SH3PXD2A: variants seen among roughly 807,000 people sequenced by gnomAD.
SH3PXD2A encodes SH3 and PX domain-containing protein 2A.
A neutral mutation model predicts 115.2 loss-of-function variants in SH3PXD2A; 32 were observed. The ratio of observed to expected loss-of-function variants is 0.28; its 90% CI spans 0.21 to 0.37. The LOEUF (loss-of-function observed/expected upper bound fraction) is 0.37. SH3PXD2A is among the 10% of genes least tolerant of loss of function. SH3PXD2A has a pLI of 1.00. For missense variants in SH3PXD2A, 1,328 were observed against 1,498.7 expected, an observed-to-expected ratio of 0.89 and a Z score of 1.88; for synonymous variants, 610 against 629.1, an observed-to-expected ratio of 0.97 and a Z score of 0.45.
chr10:103,791,566 T>C (rs1163828460), intron 2 of SH3PXD2A, among the ~76,000 whole-genome samples: 1 of 152,110 alleles, frequency 6.6e-6, no homozygotes, highest in African/African-American at 2.4e-5. Context: ...GCGGTGATTC[T>C]CAGGGCCTGA....
intron 1 of SH3PXD2A, among the ~76,000 whole-genome samples, chr10:103,827,256 T>C (rs2039439494): frequency 6.6e-6 from 1 of 152,102 alleles, no homozygotes; most frequent in Non-Finnish European, 1.5e-5. Flanking sequence ...GCGGGGCTGG[T>C]GGAATTCCTG....
intron 1 of SH3PXD2A, among the ~76,000 whole-genome samples, chr10:103,832,530 TA>T (rs1250041028): frequency 6.6e-6 from 1 of 152,120 alleles, no homozygotes; most frequent in Non-Finnish European, 1.5e-5. Flanking sequence ...TAGACTGGAT[TA>T]AGAAGATGTG....
intron 1 of SH3PXD2A, among the ~76,000 whole-genome samples, chr10:103,806,939 G>A (rs767415064): frequency 5.3e-5 from 8 of 152,150 alleles, no homozygotes; most frequent in Admixed American, 3.3e-4. Flanking sequence ...CACACCCAGC[G>A]CAACGCTCTG....
intron 13 of SH3PXD2A, among the ~76,000 whole-genome samples, chr10:103,607,811 A>AAAT (rs1421435262): frequency 6.6e-6 from 1 of 152,168 alleles, no homozygotes; most frequent in Non-Finnish European, 1.5e-5. Context: ...GTACTAAGAA[A>AAAT]AATTCTTCTG....
chr10:103,847,527 A>G (rs1365087039), intron 1 of SH3PXD2A, among the ~76,000 whole-genome samples: 1 of 151,962 alleles, frequency 6.6e-6, no homozygotes, highest in Non-Finnish European at 1.5e-5. Flanking sequence ...GTCTTGCTAC[A>G]TTGTCCAGGC....
rs2036193892 is a variant in SH3PXD2A, at chr10:103,600,105, GA to G, written c.*1710del. 6.6e-6 allele frequency: 1 copy of G among 152,630 alleles called. No homozygotes were observed. The highest frequency in any genetic ancestry group is 2.1e-4 in the South Asian group (1 of 4,826). 9.5% of individuals were successfully genotyped at this position (152,630 alleles called of 1,614,324 possible). The stretch of plus-strand genomic sequence containing the variant: ...GAGGGAGGGCCTTTCCTCCTCTATA[GA>G]AAACACCAACCCCCAGTCCAGGGAC... On this transcript the variant is annotated 3_prime_UTR_variant, in exon 15 of 15. Coordinates refer to ENST00000369774, the MANE Select transcript of SH3PXD2A (RefSeq NM_001394015.1).
chr10:103,664,184 C>T (rs1366165361), intron 7 of SH3PXD2A, among the ~76,000 whole-genome samples: 4 of 152,200 alleles, frequency 2.6e-5, no homozygotes, highest in Admixed American at 2.6e-4. Context: ...CCCTGCCCTA[C>T]GAGAAATGGG....
intron 8 of SH3PXD2A, among the ~76,000 whole-genome samples, chr10:103,637,307 G>A (rs2036882066): frequency 6.6e-6 from 1 of 152,164 alleles, no homozygotes; most frequent in South Asian, 2.1e-4. Context: ...AACCCAGGAG[G>A]CTTTAGATGA....
intron 5 of SH3PXD2A, among the ~76,000 whole-genome samples, chr10:103,704,209 A>T (rs1303747269): frequency 6.6e-6 from 1 of 152,158 alleles, no homozygotes; most frequent in Non-Finnish European, 1.5e-5. Flanking sequence ...CCTGGGACAG[A>T]ATGGGCTTGG....
Position 103,766,910 on chromosome 10 carries a change from G to A in SH3PXD2A, c.229+184C>T, listed in dbSNP as rs373228684. 5.3e-5 allele frequency among the ~76,000 whole-genome samples: 8 copies of A among 152,358 alleles called. No individual in the cohort carries two copies. In the East Asian group the frequency reaches 9.6e-4, roughly 18 times the overall value. On this transcript the variant is annotated intron_variant, in intron 3 of 14. Transcript: ENST00000369774. ...AGACGGTCTTGTAATGGTGAGAGAAGCCACTTGGAGGACAGTGGACTTCAC... is the reference window on the plus strand; with the variant it reads ...AGACGGTCTTGTAATGGTGAGAGAAACCACTTGGAGGACAGTGGACTTCAC...
chr10:103,709,300 A>T (rs2038019527), intron 5 of SH3PXD2A, among the ~76,000 whole-genome samples: 1 of 152,080 alleles, frequency 6.6e-6, no homozygotes, highest in Non-Finnish European at 1.5e-5. Flanking sequence ...GGAGCCAAAA[A>T]TCCTGGTGCT....
At chr10:103,605,998 C>T in intron 13 of SH3PXD2A, 81 bp from the exon 14 acceptor site, 1 of 1,502,120 alleles carries the variant, frequency 6.7e-7, no homozygotes, top group Non-Finnish European at 9.1e-7. Context: ...CCCACTCAGT[C>T]CCCAGGGGGT....
intron 6 of SH3PXD2A, chr10:103,677,997 C>T: frequency 1.5e-6 from 1 of 661,700 alleles, no homozygotes; most frequent in Non-Finnish European, 2.4e-6. Flanking sequence ...CCGTGCAGGC[C>T]TCCGAGCCTG....
chr10:103,786,176 A>G (rs1417411929), intron 2 of SH3PXD2A, among the ~76,000 whole-genome samples: 1 of 152,160 alleles, frequency 6.6e-6, no homozygotes, highest in African/African-American at 2.4e-5. Context: ...AGGAAGGGAA[A>G]GGACTCCTCT....
At chr10:103,797,673 A>G (rs533731436) in intron 2 of SH3PXD2A, among the ~76,000 whole-genome samples, 2 of 147,614 alleles carry the variant, frequency 1.4e-5, no homozygotes, top group South Asian at 4.3e-4. Flanking sequence ...AGCTTTGAAG[A>G]TAATAACCAG....
At chr10:103,779,896 C>T (rs182683589) in intron 2 of SH3PXD2A, among the ~76,000 whole-genome samples, 25 of 152,318 alleles carry the variant, frequency 1.6e-4, no homozygotes, top group Admixed American at 1.5e-3. Flanking sequence ...ACTTTTCTCT[C>T]TCACACAAAC....
chr10:103,736,545 G>C (rs1172986517), intron 3 of SH3PXD2A, among the ~76,000 whole-genome samples: 2 of 152,274 alleles, frequency 1.3e-5, no homozygotes, highest in Non-Finnish European at 2.9e-5. Context: ...TCCTTGGTTT[G>C]ATGTTCAAGG....
At chr10:103,776,412 A>G (rs2038878487) in intron 2 of SH3PXD2A, among the ~76,000 whole-genome samples, 2 of 145,460 alleles carry the variant, frequency 1.4e-5, no homozygotes, top group East Asian at 2.0e-4. Context: ...AAAAAAAAAA[A>G]AGTGTGTGCA....
intron 1 of SH3PXD2A, among the ~76,000 whole-genome samples, chr10:103,841,187 A>T (rs2039594233): frequency 6.6e-6 from 1 of 152,204 alleles, no homozygotes; most frequent in Non-Finnish European, 1.5e-5. Flanking sequence ...GATTTATCAC[A>T]CTGATCCAGG....
Sources: allele counts gnomAD v4.1 joint callset (sites outside exome capture counted in the v4.1 genomes callset), GRCh38; gene constraint gnomAD v4.1.1; transcripts MANE v1.5; gene names NCBI Gene and HGNC (gene_info 2026-07-23, HGNC 2026-07-21).